The following ANXA4 variants were observed in gnomAD, a reference collection of about 807,000 sequenced individuals.
The protein encoded by ANXA4 is 35-beta calcimedin.
In ANXA4, 39 loss-of-function variants were observed where a neutral mutation model predicts 49.8. The observed-to-expected ratio is 0.78, with a 90% confidence interval of 0.61 to 1.02. The LOEUF (loss-of-function observed/expected upper bound fraction) is 1.02. Ranked by LOEUF, ANXA4 falls within the 50% of genes least tolerant of loss-of-function variation. ANXA4 has a pLI of 0.00. For synonymous variants in ANXA4, 134 were observed against 152.5 expected (o/e 0.88, Z 0.89); for missense variants, 360 against 410.1 (o/e 0.88, Z 1.05).
In ANXA4 at chr2:69,676,632, C is replaced by T. The variant is rs376309715; in HGVS notation, n.766+23350C>T. ...ATCTCTGGCCGGGCACAGTGGCGCACACCTATAATCCCAGTACTTTGGGAG... is the reference window on the plus strand; with the variant it reads ...ATCTCTGGCCGGGCACAGTGGCGCATACCTATAATCCCAGTACTTTGGGAG... On this transcript the variant is annotated intron_variant and non_coding_transcript_variant, in intron 2 of 3. Coordinates refer to the ANXA4 transcript ENST00000418066. 3.9e-5 allele frequency among the ~76,000 whole-genome samples: 6 copies of T among 152,282 alleles called. No homozygotes were observed. The South Asian group carries it at 1.2e-3, about 32-fold the overall frequency.
intron 3 of ANXA4, among the ~76,000 whole-genome samples, chr2:69,728,608 A>G (rs1382158677): frequency 6.6e-6 from 1 of 152,234 alleles, no homozygotes; most frequent in Non-Finnish European, 1.5e-5. Context: ...CTGATCTAGC[A>G]TCATTTATAG....
chr2:69,658,861 A>AT (rs1676606785), intron 2 of ANXA4, among the ~76,000 whole-genome samples: 2 of 151,672 alleles, frequency 1.3e-5, no homozygotes, highest in African/African-American at 2.4e-5. Context: ...CACCTGGCTA[A>AT]TTTTTTTTGT....
At chr2:69,661,453 G>A (rs1190210649) in intron 2 of ANXA4, among the ~76,000 whole-genome samples, 1 of 151,774 alleles carries the variant, frequency 6.6e-6, no homozygotes, top group African/African-American at 2.4e-5. Context: ...AGACCACCCT[G>A]TGCAAGATGA....
intron 1 of ANXA4, among the ~76,000 whole-genome samples, chr2:69,743,040 TCTCA>T: frequency 6.6e-6 from 1 of 152,274 alleles, no homozygotes; most frequent in African/African-American, 2.4e-5. Flanking sequence ...TGAGACGAGG[TCTCA>T]CTCCTGTAGC....
intron 1 of ANXA4, among the ~76,000 whole-genome samples, chr2:69,648,176 A>T (rs2105294492): frequency 6.6e-6 from 1 of 152,342 alleles, no homozygotes; most frequent in African/African-American, 2.4e-5. Flanking sequence ...CCCTCACAAT[A>T]CATCTATGAA....
At chr2:69,733,076 A>AT (rs1670147110) in intron 3 of ANXA4, among the ~76,000 whole-genome samples, 1 of 152,262 alleles carries the variant, frequency 6.6e-6, no homozygotes, top group African/African-American at 2.4e-5. Flanking sequence ...ACTGAAAAAA[A>AT]TAGCCTTTAA....
At chr2:69,742,793 C>T (rs1670454060) in intron 1 of ANXA4, among the ~76,000 whole-genome samples, 1 of 152,112 alleles carries the variant, frequency 6.6e-6, no homozygotes, top group Admixed American at 6.5e-5. Context: ...AACCATTTAC[C>T]GGCAGAAGTG....
At chr2:69,688,993 G>A (rs941175108) in intron 2 of ANXA4, among the ~76,000 whole-genome samples, 1 of 152,132 alleles carries the variant, frequency 6.6e-6, no homozygotes, top group Non-Finnish European at 1.5e-5. Flanking sequence ...GGGCTTTTTA[G>A]TAGAAAGAAT....
chr2:69,721,221 A>G (rs577988469), intron 3 of ANXA4, among the ~76,000 whole-genome samples: 1 of 152,284 alleles, frequency 6.6e-6, no homozygotes, highest in African/African-American at 2.4e-5. Flanking sequence ...GCTGTTTTTC[A>G]TCTCTTACCC....
At chr2:69,819,248 C>G in intron 10 of ANXA4, 32 bp from the exon 11 acceptor site, 2 of 1,514,382 alleles carry the variant, frequency 1.3e-6, no homozygotes, top group Non-Finnish European at 1.8e-6. Context: ...TATCTGTAAT[C>G]TTTTCATTTC....
rs13399618 is a variant in ANXA4, at chr2:69,659,895, T to C, written n.766+6613T>C. The stretch of plus-strand genomic sequence containing the variant: ...GGGGCTGGGGAGAAAATGTCATAAG[T>C]CAAGAACTTGGATTTTAAGGCATAC... On this transcript the variant is annotated intron_variant and non_coding_transcript_variant, in intron 2 of 3. Transcript: ENST00000418066. Among the ~76,000 whole-genome samples the C allele has an allele frequency of 3.1e-3, 465 of 152,090 alleles. 1 individual carries two copies. Among genetic ancestry groups the C allele is most frequent in the African/African-American group, 0.011 (444 of 41,504 alleles).
chr2:69,725,932 G>A (rs138692510), intron 3 of ANXA4, among the ~76,000 whole-genome samples: 165 of 152,262 alleles, frequency 1.1e-3, no homozygotes, highest in Non-Finnish European at 1.7e-3. Flanking sequence ...TTTGGTTCTT[G>A]TGACTTTTTT....
chr2:69,653,341 T>G (rs1012898705), intron 2 of ANXA4: 2 of 152,210 alleles, frequency 1.3e-5, no homozygotes, highest in Admixed American at 1.3e-4. Flanking sequence ...TGATTTACAG[T>G]CCAATTGAGA....
chr2:69,665,193 G>A (rs1238371220), intron 2 of ANXA4, among the ~76,000 whole-genome samples: 1 of 152,146 alleles, frequency 6.6e-6, no homozygotes, highest in African/African-American at 2.4e-5. Flanking sequence ...TCTCTTGCTC[G>A]TAATATGTGC....
chr2:69,681,424 G>T (rs1302348195), intron 2 of ANXA4, among the ~76,000 whole-genome samples: 1 of 150,804 alleles, frequency 6.6e-6, no homozygotes, highest in Non-Finnish European at 1.5e-5. Context: ...GAGTGCCGTG[G>T]TGCAATCTCA....
chr2:69,769,082 T>C (rs1163249831), intron 1 of ANXA4, among the ~76,000 whole-genome samples: 1 of 152,194 alleles, frequency 6.6e-6, no homozygotes, highest in Admixed American at 6.5e-5. Context: ...GGTACTTCAT[T>C]ATATCTGAAG....
chr2:69,792,162 T>G (rs958678730), intron 3 of ANXA4, among the ~76,000 whole-genome samples: 1 of 152,222 alleles, frequency 6.6e-6, no homozygotes, highest in Non-Finnish European at 1.5e-5. Flanking sequence ...TTGGGAAGCC[T>G]GTTAAGTATA....
At chr2:69,769,725 G>A (rs111545661) in intron 1 of ANXA4, among the ~76,000 whole-genome samples, 5,171 of 152,204 alleles carry the variant, frequency 0.034, 467 homozygotes, top group Admixed American at 0.21. Context: ...GTGCAGTGGC[G>A]TGATCTCGGC....
intron 2 of ANXA4, among the ~76,000 whole-genome samples, chr2:69,654,169 T>C (rs2105308739): frequency 6.6e-6 from 1 of 152,348 alleles, no homozygotes; most frequent in East Asian, 1.9e-4. Flanking sequence ...GCTTATCAGC[T>C]TAAGGAGATT....
Sources: allele counts gnomAD v4.1 joint callset (sites outside exome capture counted in the v4.1 genomes callset), GRCh38; gene constraint gnomAD v4.1.1; transcripts MANE v1.5; gene names NCBI Gene and HGNC (gene_info 2026-07-23, HGNC 2026-07-21).